The following NHSL2 variants were observed in gnomAD, a reference collection of about 807,000 sequenced individuals.
The protein encoded by NHSL2 is NHS like 2.
A neutral mutation model predicts 53.4 loss-of-function variants in NHSL2; 27 were observed. The observed-to-expected ratio is 0.51, with a 90% CI of 0.37 to 0.70. The LOEUF (loss-of-function observed/expected upper bound fraction) is 0.70, where lower values mean the gene tolerates loss of function less well. Ranked by LOEUF, NHSL2 falls within the 30% of genes least tolerant of loss-of-function variation. The pLI is 0.00. For synonymous variants in NHSL2, 408 were observed against 404.1 expected, an observed-to-expected ratio of 1.01 and a Z score of -0.12; for missense variants, 892 against 980.1, an observed-to-expected ratio of 0.91 and a Z score of 1.20.
chrX:72,014,003 T>C (rs2042126229), intron 1 of NHSL2, among the ~76,000 whole-genome samples: 1 of 112,013 alleles, frequency 8.9e-6, no homozygotes, highest in Non-Finnish European at 1.9e-5. Flanking sequence ...TTAATAGTTA[T>C]AGGGCTATTC....
intron 1 of NHSL2, among the ~76,000 whole-genome samples, chrX:72,045,136 A>G (rs1471237593): frequency 2.7e-5 from 3 of 111,678 alleles, no homozygotes; most frequent in African/African-American, 9.8e-5. Context: ...TCTAGCACAC[A>G]TAACAGCCCA....
intron 1 of NHSL2, among the ~76,000 whole-genome samples, chrX:71,950,639 C>T (rs2041815979): frequency 8.9e-6 from 1 of 112,590 alleles, no homozygotes; most frequent in South Asian, 3.7e-4. Flanking sequence ...GCCTTACAAG[C>T]TGCCCAAGGG....
intron 1 of NHSL2, among the ~76,000 whole-genome samples, chrX:72,101,714 C>T (rs1027595548): frequency 9.1e-6 from 1 of 110,379 alleles, no homozygotes; most frequent in Non-Finnish European, 1.9e-5. Context: ...GCCAGCTTCC[C>T]CATTACCAGG....
chrX:72,051,265 ATT>A (rs1216398074), intron 1 of NHSL2, among the ~76,000 whole-genome samples: 2 of 111,911 alleles, frequency 1.8e-5, no homozygotes, highest in African/African-American at 6.5e-5. Context: ...GATTATTTCT[ATT>A]TTTTACCATT....
intron 1 of NHSL2, among the ~76,000 whole-genome samples, chrX:72,020,060 T>C (rs1246258469): frequency 8.9e-6 from 1 of 112,620 alleles, no homozygotes; most frequent in African/African-American, 3.2e-5. Flanking sequence ...CAGCACTTAC[T>C]TGTATTCTGC....
At chrX:71,999,193 C>T (rs1157357178) in intron 1 of NHSL2, among the ~76,000 whole-genome samples, 3 of 112,325 alleles carry the variant, frequency 2.7e-5, no homozygotes, top group Admixed American at 9.4e-5. Flanking sequence ...TACCCTCTAT[C>T]GTATCCATCG....
At chrX:71,921,277 G>A (rs1027131195) in intron 1 of NHSL2, among the ~76,000 whole-genome samples, 6 of 107,728 alleles carry the variant, frequency 5.6e-5, no homozygotes, top group Admixed American at 9.9e-5. Context: ...AAAATTAGCC[G>A]GGTGTGGTTG....
intron 1 of NHSL2, among the ~76,000 whole-genome samples, chrX:72,093,721 G>GCTTGCTTGCTTGCTTGCTTT (rs1216358306): frequency 1.4e-4 from 13 of 95,336 alleles, no homozygotes; most frequent in East Asian, 7.3e-4. Flanking sequence ...TAGCTTGCTT[G>GCTTGCTTGCTTGCTTGCTTT]CTTTCTTTCT....
intron 1 of NHSL2, among the ~76,000 whole-genome samples, chrX:71,915,519 G>C (rs2041624019): frequency 8.9e-6 from 1 of 112,301 alleles, no homozygotes; most frequent in Non-Finnish European, 1.9e-5. Context: ...CCAAGTGAAA[G>C]CAATACTAAA....
intron 1 of NHSL2, among the ~76,000 whole-genome samples, chrX:71,951,730 T>C (rs1344023321): frequency 1.8e-5 from 2 of 112,339 alleles, no homozygotes; most frequent in Non-Finnish European, 3.8e-5. Context: ...CATTGTTTTA[T>C]AGGTTAGAAT....
At chrX:72,094,649 C>A (rs757727706) in intron 1 of NHSL2, among the ~76,000 whole-genome samples, 115 of 111,183 alleles carry the variant, frequency 1.0e-3, no homozygotes, top group Admixed American at 2.5e-3. Flanking sequence ...CACCCCAATT[C>A]ACTAAGAGCC....
intron 1 of NHSL2, among the ~76,000 whole-genome samples, chrX:72,011,578 G>A (rs1054821032): frequency 1.3e-4 from 15 of 111,134 alleles, no homozygotes; most frequent in Non-Finnish European, 2.5e-4. Context: ...GCTGAGGCAG[G>A]AGAATTGCTT....
rs141233963 is a variant in NHSL2 at position 71,992,186 on chromosome X, C to G, written c.280+80819C>G. On this transcript the variant is annotated intron_variant, in intron 1 of 7. Coordinates refer to ENST00000633930, the MANE Select transcript of NHSL2 (RefSeq NM_001013627.3). ...GCCCATCACTGGGCATAGTCAGGCACTGGGTCAAAGTGGAAGCACTGATGA... is the reference window on the plus strand; with the variant it reads ...GCCCATCACTGGGCATAGTCAGGCAGTGGGTCAAAGTGGAAGCACTGATGA... Among the ~76,000 whole-genome samples, 62 of 112,822 alleles carry G rather than the reference C, an allele frequency of 5.5e-4. No individual in the cohort carries two copies. The East Asian group carries it at 0.014, about 26-fold the overall frequency.
intron 1 of NHSL2, among the ~76,000 whole-genome samples, chrX:71,911,904 C>G (rs1477184897): frequency 8.9e-6 from 1 of 111,985 alleles, no homozygotes; most frequent in Non-Finnish European, 1.9e-5. Context: ...GGAGCGTGGA[C>G]GCGGCTCCCA....
intron 1 of NHSL2, among the ~76,000 whole-genome samples, chrX:72,022,263 A>G (rs183329930): frequency 8.9e-6 from 1 of 112,172 alleles, no homozygotes; most frequent in African/African-American, 3.2e-5. Flanking sequence ...ATTATACTAT[A>G]ATAAGCCTCT....
intron 1 of NHSL2, among the ~76,000 whole-genome samples, chrX:71,983,471 C>T (rs1351176243): frequency 9.3e-6 from 1 of 107,991 alleles, no homozygotes; most frequent in Non-Finnish European, 1.9e-5. Context: ...ATTAGCCAAG[C>T]CTGGTGGCAC....
At chrX:72,046,854 T>C (rs1169418888) in intron 1 of NHSL2, among the ~76,000 whole-genome samples, 1 of 111,051 alleles carries the variant, frequency 9.0e-6, no homozygotes, top group Non-Finnish European at 1.9e-5. Context: ...GGCTGGTTTC[T>C]CTTGTAAGTC....
chrX:72,115,984 G>A (rs991877085), intron 1 of NHSL2, among the ~76,000 whole-genome samples: 1 of 111,099 alleles, frequency 9.0e-6, no homozygotes. Flanking sequence ...GTTTTATCAG[G>A]CTGTCCAAAG....
At chrX:72,112,060 C>T (rs2042098146) in intron 1 of NHSL2, among the ~76,000 whole-genome samples, 1 of 110,168 alleles carries the variant, frequency 9.1e-6, no homozygotes. Context: ...AGGAAGGAAG[C>T]AAGCCATGTG....
Sources: allele counts gnomAD v4.1 joint callset (sites outside exome capture counted in the v4.1 genomes callset), GRCh38; gene constraint gnomAD v4.1.1; transcripts MANE v1.5; gene names NCBI Gene and HGNC (gene_info 2026-07-23, HGNC 2026-07-21).